The following MIPOL1 variants were observed in gnomAD, a reference collection of about 807,000 sequenced individuals.
The protein encoded by MIPOL1 is mirror-image polydactyly gene 1 protein.
MIPOL1 carries 57 observed loss-of-function variants against 60.9 expected under a neutral mutation model. The observed-to-expected ratio is 0.94, with a 90% CI of 0.76 to 1.17. The LOEUF (loss-of-function observed/expected upper bound fraction) is 1.17, where lower values mean the gene tolerates loss of function less well. Among genes scored for constraint, MIPOL1 ranks in the 50% most tolerant of loss-of-function variants. The pLI is 0.00. For synonymous variants in MIPOL1, 179 were observed against 168.8 expected (o/e 1.06, Z -0.47); for missense variants, 551 against 511.6 (o/e 1.08, Z -0.74).
chr14:37,399,640 T>C (rs1021986770), intron 10 of MIPOL1, among the ~76,000 whole-genome samples: 1 of 152,166 alleles, frequency 6.6e-6, no homozygotes, highest in African/African-American at 2.4e-5. Context: ...GGTTGTTAAC[T>C]TTCATATTTA....
intron 11 of MIPOL1, among the ~76,000 whole-genome samples, chr14:37,441,720 T>G (rs948769513): frequency 1.3e-5 from 2 of 152,128 alleles, no homozygotes; most frequent in African/African-American, 4.8e-5. Flanking sequence ...TTTGGGGTTT[T>G]TTGCTTAGGA....
At chr14:37,208,879 C>G (rs916053714) in intron 1 of MIPOL1, among the ~76,000 whole-genome samples, 5 of 152,330 alleles carry the variant, frequency 3.3e-5, no homozygotes, top group Middle Eastern at 3.4e-3. Context: ...GCATGAGCCA[C>G]TGTGCCTGGC....
intron 9 of MIPOL1, among the ~76,000 whole-genome samples, chr14:37,323,913 A>G (rs571832844): frequency 6.6e-6 from 1 of 152,010 alleles, no homozygotes; most frequent in South Asian, 2.1e-4. Flanking sequence ...TGTTTCTTTT[A>G]CTGATAAGTA....
intron 11 of MIPOL1, among the ~76,000 whole-genome samples, chr14:37,439,918 G>A (rs34609612): frequency 0.23 from 34,525 of 152,012 alleles, 4,450 homozygotes; most frequent in South Asian, 0.36. Flanking sequence ...GAGTGCAGTG[G>A]TGCAGTCACA....
At chr14:37,478,289 C>T (rs966575604) in intron 11 of MIPOL1, among the ~76,000 whole-genome samples, 1 of 152,046 alleles carries the variant, frequency 6.6e-6, no homozygotes, top group Non-Finnish European at 1.5e-5. Context: ...ATGAAACAAG[C>T]AAAGATCTAG....
At chr14:37,309,509 A>AG (rs1383814243) in intron 9 of MIPOL1, among the ~76,000 whole-genome samples, 3 of 152,080 alleles carry the variant, frequency 2.0e-5, no homozygotes, top group Non-Finnish European at 4.4e-5. Flanking sequence ...CAAAAATTGC[A>AG]GCCTCTTATT....
intron 11 of MIPOL1, among the ~76,000 whole-genome samples, chr14:37,440,184 G>C (rs764874571): frequency 2.6e-5 from 4 of 152,100 alleles, no homozygotes; most frequent in Non-Finnish European, 5.9e-5. Context: ...TATCCACTCA[G>C]TGTTAAAACT....
chr14:37,453,254 A>G (rs956198411), intron 11 of MIPOL1, among the ~76,000 whole-genome samples: 4 of 152,106 alleles, frequency 2.6e-5, no homozygotes, highest in Non-Finnish European at 5.9e-5. Flanking sequence ...ATCTTGTGAG[A>G]TAATTAGTAG....
At chr14:37,510,480 G>A (rs2095319752) in intron 12 of MIPOL1, among the ~76,000 whole-genome samples, 1 of 151,970 alleles carries the variant, frequency 6.6e-6, no homozygotes, top group Admixed American at 6.6e-5. Flanking sequence ...GGAGCAATCT[G>A]CCCGCCTCAG....
chr14:37,467,802 C>T (rs2094619839), intron 11 of MIPOL1, among the ~76,000 whole-genome samples: 1 of 152,076 alleles, frequency 6.6e-6, no homozygotes, highest in East Asian at 1.9e-4. Context: ...TGCCTATAAT[C>T]CCAGCACTTT....
chr14:37,333,879 TA>T (rs2089919345), intron 9 of MIPOL1, among the ~76,000 whole-genome samples: 1 of 152,030 alleles, frequency 6.6e-6, no homozygotes, highest in Non-Finnish European at 1.5e-5. Context: ...TGTTGACAAC[TA>T]TAGAAATACA....
intron 11 of MIPOL1, among the ~76,000 whole-genome samples, chr14:37,485,126 GA>G (rs2094927895): frequency 6.6e-6 from 1 of 152,124 alleles, no homozygotes; most frequent in African/African-American, 2.4e-5. Flanking sequence ...AGTTTGCTGA[GA>G]ATGATGGTTT....
intron 2 of MIPOL1, among the ~76,000 whole-genome samples, chr14:37,247,484 A>T (rs866424945): frequency 6.6e-5 from 10 of 152,034 alleles, no homozygotes; most frequent in South Asian, 4.1e-4. Context: ...TTTTTGGTAT[A>T]AAATTTATGA....
At chr14:37,512,182 C>CAG (rs2095333255) in intron 12 of MIPOL1, among the ~76,000 whole-genome samples, 1 of 151,694 alleles carries the variant, frequency 6.6e-6, no homozygotes, top group South Asian at 2.1e-4. Context: ...CACACACACA[C>CAG]AGCTGTTTAA....
At chr14:37,380,259 G>A (rs552914282) in intron 10 of MIPOL1, among the ~76,000 whole-genome samples, 2 of 152,164 alleles carry the variant, frequency 1.3e-5, no homozygotes, top group African/African-American at 2.4e-5. Flanking sequence ...TTCTAACAGC[G>A]TTCTGTTCCC....
rs1450936325 is a variant in MIPOL1, at chr14:37,524,574, T to TC, written c.1263-22331_1263-22330insC. Among the ~76,000 whole-genome samples, 9 of 140,010 alleles carry TC rather than the reference T, an allele frequency of 6.4e-5. 1 individual carries two copies. The East Asian group carries it at 1.5e-3, about 23-fold the overall frequency. 91.9% of individuals were successfully genotyped at this position (140,010 alleles called of 152,430 possible). A position where few individuals can be genotyped will look rare whatever the true frequency, so the allele number is the denominator to read the frequency against. On this transcript the variant is annotated intron_variant, in intron 12 of 12. Transcript: ENST00000684589. ...CTTAATTTTTCTTTTTCTTTTCTTTTTTTTTTTTTTTGAGATGGAGTCTCA... is the reference window on the plus strand; with the variant it reads ...CTTAATTTTTCTTTTTCTTTTCTTTTCTTTTTTTTTTTGAGATGGAGTCTCA...
At chr14:37,214,825 G>A (rs75583233) in intron 1 of MIPOL1, among the ~76,000 whole-genome samples, 1,683 of 152,108 alleles carry the variant, frequency 0.011, 26 homozygotes, top group African/African-American at 0.038. Context: ...GTGGTCTAGC[G>A]GTAGCATCAG....
intron 6 of MIPOL1, among the ~76,000 whole-genome samples, chr14:37,282,264 A>G (rs967687759): frequency 2.5e-5 from 2 of 80,706 alleles, no homozygotes; most frequent in Non-Finnish European, 5.3e-5. Flanking sequence ...TATTATTATT[A>G]TTATTATTTA....
At chr14:37,540,554 G>A (rs1356987186) in intron 12 of MIPOL1, among the ~76,000 whole-genome samples, 1 of 152,096 alleles carries the variant, frequency 6.6e-6, no homozygotes. Context: ...GGAGGAATGG[G>A]TAAGCCGATC....
Sources: gnomAD v4.1 joint callset for allele counts (sites outside exome capture counted in the v4.1 genomes callset) on GRCh38, gnomAD v4.1.1 for gene constraint, MANE v1.5 for transcripts, NCBI Gene and HGNC (gene_info 2026-07-23, HGNC 2026-07-21) for gene names.